The following GRID2IP variants were observed in gnomAD, a reference collection of about 807,000 sequenced individuals.
The protein encoded by GRID2IP is delphilin.
A neutral mutation model predicts 114.3 loss-of-function variants in GRID2IP; 78 were observed. The observed-to-expected ratio is 0.68, with a 90% confidence interval of 0.57 to 0.82. The LOEUF (loss-of-function observed/expected upper bound fraction) is 0.82. Ranked by LOEUF, GRID2IP falls within the 40% of genes least tolerant of loss-of-function variation. The pLI is 0.00. For synonymous variants in GRID2IP, 809 were observed against 724.0 expected (o/e 1.12, Z -1.89); for missense variants, 1,727 against 1,678.5 (o/e 1.03, Z -0.51).
chr7:6,533,671 A>C (rs1187548816), intron 2 of GRID2IP, among the ~76,000 whole-genome samples: 1 of 147,162 alleles, frequency 6.8e-6, no homozygotes, highest in Non-Finnish European at 1.5e-5. Flanking sequence ...GCTCATTTTT[A>C]AACTTTTTTT....
At position 6,506,721 on chromosome 7, in the gene GRID2IP, C is replaced by T. The variant is rs190489684; in HGVS notation, c.2545-814G>A. On this transcript the variant is annotated intron_variant, in intron 13 of 21. Coordinates refer to ENST00000457091, the MANE Select transcript of GRID2IP (RefSeq NM_001145118.2). The surrounding 1 kb of genome is among the most constrained non-coding windows in gnomAD (Gnocchi z 5.2). ...TTTTTAGATAGGGTCTCACTCTGTA[C>T]CCCAGGCTGGAGTGCAGTGGTGCCA... Among the ~76,000 whole-genome samples the T allele has an allele frequency of 5.0e-4, 75 of 148,604 alleles. No homozygotes were observed. The East Asian group carries it at 0.012, about 24-fold the overall frequency.
chr7:6,537,435 T>A (rs1444921737), intron 2 of GRID2IP, among the ~76,000 whole-genome samples: 1 of 132,642 alleles, frequency 7.5e-6, no homozygotes, highest in South Asian at 2.7e-4. Flanking sequence ...TGGAGTGCAG[T>A]GTCGTGATCT....
At position 6,503,572 on chromosome 7, in the gene GRID2IP, G is replaced by C. The variant is rs975708402; in HGVS notation, c.2826C>G (p.Pro942=). 1.1e-5 allele frequency: 17 copies of C among 1,528,764 alleles called. No homozygotes were observed. The highest frequency in any genetic ancestry group is 6.0e-5 in the South Asian group (5 of 83,520). 94.7% of individuals were successfully genotyped at this position (1,528,764 alleles called of 1,614,324 possible). A position where few individuals can be genotyped will look rare whatever the true frequency, so the allele number is the denominator to read the frequency against. ...AHLAQLLLFA[P]DADEEQRYQA... is the part of the protein sequence containing the mutation. Reference sequence around the variant, plus strand: ...GGTAGCGCTGCTCCTCGTCGGCGTCGGGCGCGAAGAGCAGCAGCTGCGCGA... The same window carrying C: ...GGTAGCGCTGCTCCTCGTCGGCGTCCGGCGCGAAGAGCAGCAGCTGCGCGA... The change falls in exon 16 of 22, where the codon CCC becomes CCG. Residue 942 remains proline (P), a synonymous_variant. Transcript: ENST00000457091.
At chr7:6,502,213 T>C (rs1160849858) in intron 18 of GRID2IP, 95 bp from the exon 19 acceptor site, 2 of 1,249,794 alleles carry the variant, frequency 1.6e-6, no homozygotes, top group African/African-American at 3.1e-5. Context: ...GCATCAATGA[T>C]GAATTCTTGG....
At position 6,534,931 on chromosome 7, in the gene GRID2IP, G is replaced by A. The variant is rs368164440; in HGVS notation, c.584+4787C>T. 6.6e-6 allele frequency among the ~76,000 whole-genome samples: 1 copy of A among 152,144 alleles called. No individual in the cohort carries two copies. Among genetic ancestry groups the A allele is most frequent in the African/African-American group, 2.4e-5 (1 of 41,422 alleles). On this transcript the variant is annotated intron_variant, in intron 2 of 21. Transcript: ENST00000457091. The surrounding 1 kb of genome is among the most constrained non-coding windows in gnomAD (Gnocchi z 4.5). Reference sequence around the variant, plus strand: ...ATAGAGTTTCACTCCTGTTGCCCAGGCTGGAGTGCAATGGCACGATCTCGG... The same window carrying A: ...ATAGAGTTTCACTCCTGTTGCCCAGACTGGAGTGCAATGGCACGATCTCGG...
In GRID2IP at chr7:6,501,811, A is replaced by G; in HGVS notation, c.3369T>C (p.Ser1123=). ...TGACCATTGCAAACTTGTCCTCGCTAGAGGGGGAAATGCTCTGGCAGGCAT... is the reference window on the plus strand; with the variant it reads ...TGACCATTGCAAACTTGTCCTCGCTGGAGGGGGAAATGCTCTGGCAGGCAT... ...IQDACQSISP[S]SEDKFAMVMS... The change falls in exon 20 of 22, where the codon TCT becomes TCC. Residue 1123 remains serine, a synonymous_variant. Coordinates refer to ENST00000457091, the MANE Select transcript of GRID2IP (RefSeq NM_001145118.2). 1 of 1,551,352 alleles carries G rather than the reference A, an allele frequency of 6.4e-7. No individual in the cohort carries two copies. Among genetic ancestry groups the G allele is most frequent in the South Asian group, 1.2e-5 (1 of 84,066 alleles).
rs200826855 is a variant in GRID2IP at position 6,529,941 on chromosome 7, TTCTCTC to T, written c.585-3178_585-3173del. On this transcript the variant is annotated intron_variant, in intron 2 of 21. Transcript: ENST00000457091. ...TAGGGTCCTCTCTCCCCACCCAGCT[TTCTCTC>T]TCTCTCTCTCTCTCTTTTTTTTTTT... Among the ~76,000 whole-genome samples, 574 of 142,352 alleles carry T rather than the reference TTCTCTC, an allele frequency of 4.0e-3. 2 individuals carry two copies. The highest frequency in any genetic ancestry group is 0.014 in the African/African-American group (541 of 37,858). The allele number at this position is 142,352 out of a possible 152,430, so 93.4% of individuals were successfully genotyped here. A position where few individuals can be genotyped will look rare whatever the true frequency, so the allele number is the denominator to read the frequency against.
intron 9 of GRID2IP, 94 bp from the exon 10 acceptor site, chr7:6,510,800 C>G: frequency 6.8e-7 from 1 of 1,470,104 alleles, no homozygotes; most frequent in Non-Finnish European, 9.2e-7. Flanking sequence ...AGGGCCAATC[C>G]TGAGCCCTGC....
At position 6,532,559 on chromosome 7, in the gene GRID2IP, A is replaced by T. The variant is rs1403835847; in HGVS notation, c.585-5790T>A. On this transcript the variant is annotated intron_variant, in intron 2 of 21. Coordinates refer to ENST00000457091, the MANE Select transcript of GRID2IP (RefSeq NM_001145118.2). The surrounding 1 kb of genome is among the most constrained non-coding windows in gnomAD (Gnocchi z 4.4). ...CGTGGCTGTACTTCTTCCTGGAAGC[A>T]GCCAGAAACTGGAGCCAGTGCCCAC... Among the ~76,000 whole-genome samples, 1 of 152,174 alleles carries T rather than the reference A, an allele frequency of 6.6e-6. No homozygotes were observed. Among genetic ancestry groups the T allele is most frequent in the African/African-American group, 2.4e-5 (1 of 41,438 alleles).
intron 8 of GRID2IP, among the ~76,000 whole-genome samples, chr7:6,511,416 A>G (rs12666051): frequency 0.14 from 21,323 of 151,978 alleles, 1,803 homozygotes; most frequent in East Asian, 0.31. Flanking sequence ...CTTGTTGCCC[A>G]GGTGGGAGTG....
chr7:6,520,211 G>A lies in GRID2IP; in HGVS notation c.1268+367C>T, dbSNP rs908641048. Among the ~76,000 whole-genome samples, 8 of 152,082 alleles carry A rather than the reference G, an allele frequency of 5.3e-5. No homozygotes were observed. The highest frequency in any genetic ancestry group is 1.9e-4 in the African/African-American group (8 of 41,394). On this transcript the variant is annotated intron_variant, in intron 7 of 21. Transcript: ENST00000457091. This position sits in a 1 kb window ranked among gnomAD's most constrained non-coding sequence, Gnocchi z 4.6. ...GGAGGCTGAGGCAGAAGAATCGCTTGAACCCAGGAGGCGGAGGCTGCAGTG... is the reference window on the plus strand; with the variant it reads ...GGAGGCTGAGGCAGAAGAATCGCTTAAACCCAGGAGGCGGAGGCTGCAGTG...
At position 6,526,732 on chromosome 7, in the gene GRID2IP, C is replaced by T; in HGVS notation, c.622G>A (p.Glu208Lys). Residue 208 changes from glutamate to lysine, a missense_variant, in exon 3 of 22, where the codon GAG (glutamate) becomes AAG (lysine). Coordinates refer to ENST00000457091, the MANE Select transcript of GRID2IP (RefSeq NM_001145118.2). This position sits in a 1 kb window ranked among gnomAD's most constrained non-coding sequence, Gnocchi z 7.6. ...IPKKHRARFDEVVSQGLLGKL... is the reference protein window; with the variant it reads ...IPKKHRARFDKVVSQGLLGKL... ...CCCAGGAGGCCCTGAGACACCACCT[C>T]GTCGAAGCGCGCCCGGTGCTTCTTG... 2.0e-6 allele frequency: 3 copies of T among 1,525,058 alleles called. No homozygotes were observed. The highest frequency in any genetic ancestry group is 2.4e-5 in the South Asian group (2 of 83,106). The allele number at this position is 1,525,058 out of a possible 1,614,324, so 94.5% of individuals were successfully genotyped here. A position where few individuals can be genotyped will look rare whatever the true frequency, so the allele number is the denominator to read the frequency against.
Position 6,551,189 on chromosome 7 carries a change from G to T in GRID2IP, c.248C>A (p.Pro83Gln). The T allele has an allele frequency of 7.1e-7, 1 of 1,398,768 alleles. No individual in the cohort carries two copies. The highest frequency in any genetic ancestry group is 9.2e-7 in the Non-Finnish European group (1 of 1,085,942). The allele number at this position is 1,398,768 out of a possible 1,614,324, so 86.6% of individuals were successfully genotyped here. The change falls in exon 1 of 22, where the codon CCG becomes CAG. Residue 83 changes from proline (P) to glutamine (Q), a missense_variant. By Grantham distance (76) the Pro-to-Gln change is moderately conservative (BLOSUM62 -1). Transcript: ENST00000457091. ...PRVPPSLGVL[P>Q]APDGGPGPGS... is the part of the protein sequence containing the mutation. ...TGGGCCGGGGCCACCGTCGGGAGCC[G>T]GGAGCACGCCCAGACTGGGCGGCAC...
chr7:6,538,285 G>C (rs1008620704), intron 2 of GRID2IP, among the ~76,000 whole-genome samples: 1 of 152,196 alleles, frequency 6.6e-6, no homozygotes, highest in East Asian at 1.9e-4. Context: ...AGGATCACTT[G>C]AGCCCAGGAG....
chr7:6,547,418 C>T (rs1369668391), intron 1 of GRID2IP, among the ~76,000 whole-genome samples: 2 of 151,426 alleles, frequency 1.3e-5, no homozygotes, highest in African/African-American at 2.4e-5. Context: ...TGTGGTGGTG[C>T]ACACCTGTGG....
intron 1 of GRID2IP, among the ~76,000 whole-genome samples, chr7:6,550,138 T>C (rs1437482705): frequency 1.3e-5 from 2 of 151,934 alleles, no homozygotes; most frequent in Non-Finnish European, 2.9e-5. Flanking sequence ...CTATAAGGCA[T>C]GCACCACCAT....
At chr7:6,502,686 C>T in intron 18 of GRID2IP, 100 bp downstream of exon 18, 3 of 688,330 alleles carry the variant, frequency 4.4e-6, no homozygotes, top group Non-Finnish European at 7.3e-6. Context: ...TCCTTGGTCA[C>T]GATGTCCTCT....
chr7:6,533,147 G>T (rs997140948), intron 2 of GRID2IP, among the ~76,000 whole-genome samples: 1 of 152,114 alleles, frequency 6.6e-6, no homozygotes, highest in Admixed American at 6.6e-5. Flanking sequence ...TGGCATCTAG[G>T]GGGTAGAGGC....
chr7:6,496,855 C>T lies in GRID2IP; in HGVS notation c.*919G>A, dbSNP rs1478371929. 6.6e-6 allele frequency among the ~76,000 whole-genome samples: 1 copy of T among 152,000 alleles called. No homozygotes were observed. The stretch of plus-strand genomic sequence containing the variant: ...TCACACACCCTCCCTCCCTGCCCAC[C>T]ACGCCACCTGCTCCTGCTCCTGGTA... On this transcript the variant is annotated 3_prime_UTR_variant, in exon 22 of 22. Coordinates refer to ENST00000457091, the MANE Select transcript of GRID2IP (RefSeq NM_001145118.2).
Sources: gnomAD v4.1 joint callset for allele counts (sites outside exome capture counted in the v4.1 genomes callset) on GRCh38, gnomAD v4.1.1 for gene constraint, Gnocchi (gnomAD v3.1) non-coding constraint, MANE v1.5 for transcripts, NCBI Gene and HGNC (gene_info 2026-07-23, HGNC 2026-07-21) for gene names.